Variants in SLC25A44 observed in about 807,000 individuals in gnomAD.
SLC25A44 encodes the protein solute carrier family 25 member 44.
Under a neutral mutation model 29.9 loss-of-function variants are expected in SLC25A44, and 17 were observed. That is an observed-to-expected ratio of 0.57 (90% CI 0.39 to 0.85). The LOEUF is 0.85. SLC25A44 is among the 40% of genes least tolerant of loss of function. SLC25A44 has a pLI of 0.00. For synonymous variants in SLC25A44, 140 were observed against 151.8 expected (o/e 0.92, Z 0.57); for missense variants, 302 against 398.4 (o/e 0.76, Z 2.06).
At chr1:156,199,343 C>A (rs908641225) in intron 1 of SLC25A44, 3 of 159,040 alleles carry the variant, frequency 1.9e-5, no homozygotes, top group African/African-American at 7.2e-5. Flanking sequence ...CCTTCAGGAG[C>A]CTCCCAAATG....
chr1:156,203,953 C>A (rs574568602), intron 2 of SLC25A44, among the ~76,000 whole-genome samples: 1 of 151,724 alleles, frequency 6.6e-6, no homozygotes, highest in South Asian at 2.1e-4. Flanking sequence ...ATCCGCCCGC[C>A]TCGGCCTCCC....
At chr1:156,199,016 A>T (rs1273760403) in intron 1 of SLC25A44, 1 of 152,282 alleles carries the variant, frequency 6.6e-6, no homozygotes, top group Non-Finnish European at 1.5e-5. Flanking sequence ...ATAACTGAAG[A>T]GGACTCTGCC....
At chr1:156,195,814 T>C (rs1656180021) in intron 1 of SLC25A44, among the ~76,000 whole-genome samples, 1 of 152,216 alleles carries the variant, frequency 6.6e-6, no homozygotes, top group African/African-American at 2.4e-5. Context: ...AGCCAGAATC[T>C]TATCCCAGAA....
chr1:156,201,288 C>G (rs1413274770), intron 2 of SLC25A44, among the ~76,000 whole-genome samples: 2 of 152,308 alleles, frequency 1.3e-5, no homozygotes, highest in East Asian at 3.9e-4. Flanking sequence ...CATAAACATA[C>G]TGCCAGATTG....
At chr1:156,200,510 A>G in intron 2 of SLC25A44, 38 bp downstream of exon 2, 8 of 1,541,810 alleles carry the variant, frequency 5.2e-6, no homozygotes, top group Non-Finnish European at 6.1e-6. Flanking sequence ...GGAAGGTGGG[A>G]TTTCTAATGG....
intron 2 of SLC25A44, among the ~76,000 whole-genome samples, chr1:156,207,661 AATC>A (rs1657039034): frequency 6.6e-6 from 1 of 152,096 alleles, no homozygotes; most frequent in South Asian, 2.1e-4. Context: ...AAAGAAAAAA[AATC>A]AATCAAAATA....
intron 1 of SLC25A44, chr1:156,196,363 A>G (rs1275466104): frequency 6.6e-6 from 1 of 152,192 alleles, no homozygotes; most frequent in Non-Finnish European, 1.5e-5. Context: ...TATCCCTCTA[A>G]GGCATGACCC....
At chr1:156,210,137 A>G (rs1464350828) in intron 3 of SLC25A44, 103 bp from the exon 4 acceptor site, 11 of 775,346 alleles carry the variant, frequency 1.4e-5, no homozygotes, top group Non-Finnish European at 2.3e-5. Flanking sequence ...ACACCTTCCG[A>G]CGTCGGAGTC....
At chr1:156,203,251 C>G (rs541350028) in intron 2 of SLC25A44, among the ~76,000 whole-genome samples, 2 of 152,174 alleles carry the variant, frequency 1.3e-5, no homozygotes, top group African/African-American at 4.8e-5. Flanking sequence ...GTGGTTGGCT[C>G]CTTCTCATGC....
chr1:156,205,166 C>T (rs1447492978), intron 2 of SLC25A44, among the ~76,000 whole-genome samples: 1 of 152,122 alleles, frequency 6.6e-6, no homozygotes, highest in Non-Finnish European at 1.5e-5. Flanking sequence ...GCCTCAGCCT[C>T]CCAAGTAGCT....
At chr1:156,199,784 A>G in intron 1 of SLC25A44, 51 bp from the exon 2 acceptor site, 1 of 1,512,916 alleles carries the variant, frequency 6.6e-7, no homozygotes, top group Admixed American at 1.9e-5. Context: ...AGGGGAAAGC[A>G]CAAAGCTCCA....
intron 2 of SLC25A44, among the ~76,000 whole-genome samples, chr1:156,207,651 A>G (rs1657038121): frequency 6.6e-6 from 1 of 152,118 alleles, no homozygotes; most frequent in African/African-American, 2.4e-5. Context: ...CCCTGTCTCA[A>G]AAGAAAAAAA....
In SLC25A44 at chr1:156,211,649, T is replaced by C. The variant is rs1657328999; in HGVS notation, c.*1218T>C. The C allele has an allele frequency of 6.5e-6, 1 of 152,704 alleles. No homozygotes were observed. The highest frequency in any genetic ancestry group is 1.5e-5 in the Non-Finnish European group (1 of 68,058). The allele number at this position is 152,704 out of a possible 1,614,324, so 9.5% of individuals were successfully genotyped here. On this transcript the variant is annotated 3_prime_UTR_variant, in exon 4 of 4. Coordinates refer to ENST00000359511, the MANE Select transcript of SLC25A44 (RefSeq NM_014655.4). Reference sequence around the variant, plus strand: ...AAGAGCAGTTCAGAAAGTCACCCAATACCAGGACCACTGCATTTACCAGCC... The same window carrying C: ...AAGAGCAGTTCAGAAAGTCACCCAACACCAGGACCACTGCATTTACCAGCC...
intron 2 of SLC25A44, among the ~76,000 whole-genome samples, chr1:156,202,956 C>T (rs1007610776): frequency 3.3e-5 from 5 of 152,222 alleles, no homozygotes; most frequent in Non-Finnish European, 7.3e-5. Context: ...CTTAATTGCT[C>T]AGTAAATATT....
At chr1:156,195,456 G>A (rs972857414) in intron 1 of SLC25A44, among the ~76,000 whole-genome samples, 3 of 152,202 alleles carry the variant, frequency 2.0e-5, no homozygotes, top group Non-Finnish European at 4.4e-5. Context: ...AATGCCATTG[G>A]TGGAATCGCT....
Position 156,208,164 on chromosome 1 carries a change from A to C in SLC25A44, c.753+151A>C, listed in dbSNP as rs543153428. The C allele has an allele frequency of 1.3e-4, 87 of 684,092 alleles. No homozygotes were observed. In the East Asian group the frequency reaches 2.3e-3, roughly 18 times the overall value. 42.4% of individuals were successfully genotyped at this position (684,092 alleles called of 1,614,324 possible). A position where few individuals can be genotyped will look rare whatever the true frequency, so the allele number is the denominator to read the frequency against. ...ACATCTAAGCCCCTTCTGTGTGCTT[A>C]GCATCTGCAGAAGCCAGCCCACAGC... On this transcript the variant is annotated intron_variant, in intron 3 of 3. Transcript: ENST00000359511.
intron 1 of SLC25A44, chr1:156,199,607 CTG>C: frequency 1.9e-6 from 1 of 523,734 alleles, no homozygotes; most frequent in Non-Finnish European, 3.4e-6. Context: ...AGGAGGGAAA[CTG>C]AGTAAGGAAG....
At chr1:156,199,734 G>GCCGTATCATTAAAAAA in intron 1 of SLC25A44, 101 bp from the exon 2 acceptor site, 2 of 980,508 alleles carry the variant, frequency 2.0e-6, no homozygotes, top group East Asian at 2.4e-5. Flanking sequence ...GAGTGTCCAG[G>GCCGTATCATTAAAAAA]AGATGAGGGC....
intron 1 of SLC25A44, 21 bp downstream of exon 1, chr1:156,194,268 G>A (rs1656070818): frequency 6.5e-6 from 1 of 152,758 alleles, no homozygotes; most frequent in South Asian, 2.1e-4. Context: ...GCCGGCTTGA[G>A]GTCCCTGACA....
Sources: gnomAD v4.1 joint callset for allele counts (sites outside exome capture counted in the v4.1 genomes callset) on GRCh38, gnomAD v4.1.1 for gene constraint, MANE v1.5 for transcripts, NCBI Gene and HGNC (gene_info 2026-07-23, HGNC 2026-07-21) for gene names.